Variants in HIPK2 observed in about 807,000 individuals in gnomAD.
The protein encoded by HIPK2 is homeodomain-interacting protein kinase 2.
HIPK2 carries 27 observed loss-of-function variants against 113.7 expected under a neutral mutation model. That is an observed-to-expected ratio of 0.24 (90% CI 0.17 to 0.33). The LOEUF (loss-of-function observed/expected upper bound fraction) is 0.33, where lower values mean the gene tolerates loss of function less well. HIPK2 is among the 10% of genes least tolerant of loss of function. HIPK2 has a pLI of 1.00. For synonymous variants in HIPK2, 631 were observed against 642.2 expected, an observed-to-expected ratio of 0.98 and a Z score of 0.26; for missense variants, 1,257 against 1,588.0, an observed-to-expected ratio of 0.79 and a Z score of 3.54.
At chr7:139,776,703 A>G (rs886563316) in intron 1 of HIPK2, among the ~76,000 whole-genome samples, 3 of 152,216 alleles carry the variant, frequency 2.0e-5, no homozygotes, top group East Asian at 1.9e-4. Context: ...CTGAAAAATC[A>G]GACACACTTG....
intron 1 of HIPK2, among the ~76,000 whole-genome samples, chr7:139,761,962 T>C (rs1796472337): frequency 6.6e-6 from 1 of 151,800 alleles, no homozygotes; most frequent in African/African-American, 2.4e-5. Flanking sequence ...AGAGAGAGAC[T>C]AACTGTGTGT....
At chr7:139,718,350 C>G (rs905003503) in intron 1 of HIPK2, among the ~76,000 whole-genome samples, 2 of 152,202 alleles carry the variant, frequency 1.3e-5, no homozygotes, top group African/African-American at 2.4e-5. Context: ...CTCTGAGCCC[C>G]TGGCATTACC....
At chr7:139,643,261 C>CT (rs1801089099) in intron 2 of HIPK2, among the ~76,000 whole-genome samples, 1 of 152,148 alleles carries the variant, frequency 6.6e-6, no homozygotes, top group African/African-American at 2.4e-5. Context: ...TGGACAGTCT[C>CT]TTAAAGGATG....
At chr7:139,715,250 C>T (rs964482142) in intron 2 of HIPK2, among the ~76,000 whole-genome samples, 6 of 152,166 alleles carry the variant, frequency 3.9e-5, no homozygotes, top group African/African-American at 4.8e-5. Context: ...TTCCCTGCCA[C>T]GGACACTATC....
chr7:139,624,714 T>C (rs1800364921), intron 6 of HIPK2, among the ~76,000 whole-genome samples: 1 of 152,206 alleles, frequency 6.6e-6, no homozygotes, highest in South Asian at 2.1e-4. Context: ...CCAATAGACA[T>C]CATTCTGGAT....
At chr7:139,579,311 A>C (rs1267173329) in intron 13 of HIPK2, among the ~76,000 whole-genome samples, 1 of 152,238 alleles carries the variant, frequency 6.6e-6, no homozygotes, top group Non-Finnish European at 1.5e-5. Context: ...AGAAGCAAGA[A>C]TTCGGAGCAT....
intron 7 of HIPK2, among the ~76,000 whole-genome samples, chr7:139,618,009 T>C (rs1800115928): frequency 6.6e-6 from 1 of 152,240 alleles, no homozygotes; most frequent in South Asian, 2.1e-4. Flanking sequence ...GACTTACTTA[T>C]GCTGCTGTGT....
intron 9 of HIPK2, among the ~76,000 whole-genome samples, chr7:139,606,799 C>T (rs56695535): frequency 0.012 from 1,759 of 152,278 alleles, 27 homozygotes; most frequent in African/African-American, 0.038. Context: ...TCAATAGTCT[C>T]TCCCCTACCC....
intron 2 of HIPK2, among the ~76,000 whole-genome samples, chr7:139,662,011 CAACT>C (rs974761320): frequency 6.6e-6 from 1 of 152,118 alleles, no homozygotes; most frequent in African/African-American, 2.4e-5. Context: ...TTATTCTCAC[CAACT>C]GTTATATGTT....
At chr7:139,749,911 A>C (rs1206920793) in intron 1 of HIPK2, among the ~76,000 whole-genome samples, 2 of 152,216 alleles carry the variant, frequency 1.3e-5, no homozygotes, top group African/African-American at 4.8e-5. Context: ...GCCAGGACAC[A>C]GTCATTCCCT....
At position 139,716,131 on chromosome 7, in the gene HIPK2, G is replaced by T. The variant is rs745467395; in HGVS notation, c.904C>A (p.Arg302Ser). ...KFSPLPLKYI[R>S]PVLQQVATAL... ...GTGGCTACCTGCTGGAGAACTGGGC[G>T]AATGTATTTGAGGGGCAAGGGGCTA... Residue 302 changes from arginine (R) to serine (S), a missense_variant, in exon 2 of 15, where the codon CGC (arginine) becomes AGC (serine). Transcript: ENST00000406875. This position sits in a 1 kb window ranked among gnomAD's most constrained non-coding sequence, Gnocchi z 9.3. The T allele has an allele frequency of 5.6e-6, 9 of 1,613,928 alleles. No homozygotes were observed. Among genetic ancestry groups the T allele is most frequent in the Non-Finnish European group, 7.6e-6 (9 of 1,179,928 alleles).
At position 139,600,565 on chromosome 7, in the gene HIPK2, G is replaced by A; in HGVS notation, c.2287C>T (p.Pro763Ser). Reference sequence around the variant, plus strand: ...AATAGTGCAGGCTGCTGCATGATGGGATTATAATGGCTTCCGTGAGCATGC... The same window carrying A: ...AATAGTGCAGGCTGCTGCATGATGGAATTATAATGGCTTCCGTGAGCATGC... ...NTHAHGSHYN[P>S]IMQQPALLTG... is the part of the protein sequence containing the mutation. Residue 763 changes from proline (P) to serine (S), a missense_variant, in exon 11 of 15, where the codon CCC becomes TCC. By Grantham distance (74) the Pro-to-Ser change is moderately conservative (BLOSUM62 -1). Transcript: ENST00000406875. The A allele has an allele frequency of 1.2e-6, 2 of 1,614,002 alleles. No homozygotes were observed. Among genetic ancestry groups the A allele is most frequent in the Non-Finnish European group, 1.7e-6 (2 of 1,179,886 alleles).
intron 1 of HIPK2, among the ~76,000 whole-genome samples, chr7:139,746,419 G>A (rs1796191755): frequency 1.3e-5 from 2 of 152,204 alleles, no homozygotes; most frequent in Non-Finnish European, 1.5e-5. Flanking sequence ...ATCGCTTGAT[G>A]TCTTTTGTTG....
chr7:139,622,065 G>A (rs1011069777), intron 6 of HIPK2, among the ~76,000 whole-genome samples: 7 of 151,654 alleles, frequency 4.6e-5, no homozygotes, highest in Non-Finnish European at 7.4e-5. Context: ...GATTACAAAC[G>A]TGTACTACTT....
At chr7:139,727,229 A>T (rs1795606510) in intron 1 of HIPK2, among the ~76,000 whole-genome samples, 1 of 152,216 alleles carries the variant, frequency 6.6e-6, no homozygotes, top group South Asian at 2.1e-4. Flanking sequence ...TCACAGGGAA[A>T]CATCAAGGAT....
intron 2 of HIPK2, among the ~76,000 whole-genome samples, chr7:139,676,142 G>C (rs1209540777): frequency 2.0e-5 from 3 of 152,194 alleles, no homozygotes; most frequent in Non-Finnish European, 4.4e-5. Flanking sequence ...CAAATACTAA[G>C]TCTTTTCGGC....
chr7:139,666,992 G>A (rs1254973241), intron 2 of HIPK2, among the ~76,000 whole-genome samples: 1 of 151,922 alleles, frequency 6.6e-6, no homozygotes, highest in Non-Finnish European at 1.5e-5. Context: ...ACCTTGTTGG[G>A]GGGCAGAGGT....
At chr7:139,720,180 T>C (rs979948081) in intron 1 of HIPK2, among the ~76,000 whole-genome samples, 1 of 152,250 alleles carries the variant, frequency 6.6e-6, no homozygotes, top group African/African-American at 2.4e-5. Flanking sequence ...TTGCTGCTTT[T>C]CTCAACTTAT....
At chr7:139,711,553 AT>A (rs1430193502) in intron 2 of HIPK2, among the ~76,000 whole-genome samples, 1 of 152,228 alleles carries the variant, frequency 6.6e-6, no homozygotes, top group African/African-American at 2.4e-5. Flanking sequence ...CTAGACAAGA[AT>A]ATTTTGAATA....
Sources: gnomAD v4.1 joint callset for allele counts (sites outside exome capture counted in the v4.1 genomes callset) on GRCh38, gnomAD v4.1.1 for gene constraint, Gnocchi (gnomAD v3.1) non-coding constraint, MANE v1.5 for transcripts, NCBI Gene and HGNC (gene_info 2026-07-23, HGNC 2026-07-21) for gene names.